GPHN: variants seen among roughly 807,000 people sequenced by gnomAD.
GPHN encodes the protein gephyrin.
Under a neutral mutation model 95.5 loss-of-function variants are expected in GPHN, and 17 were observed. The ratio of observed to expected loss-of-function variants is 0.18; its 90% CI spans 0.12 to 0.27. GPHN has a LOEUF of 0.27. Ranked by LOEUF, GPHN falls within the 10% of genes least tolerant of loss-of-function variation. The pLI, the probability that GPHN is intolerant of heterozygous loss-of-function variation, is 1.00. For missense variants in GPHN, 660 were observed against 978.1 expected (o/e 0.67, Z 4.34); for synonymous variants, 320 against 322.5 (o/e 0.99, Z 0.08).
chr14:66,669,358 C>CT (rs1199415014), intron 1 of GPHN, among the ~76,000 whole-genome samples: 1 of 128,902 alleles, frequency 7.8e-6, no homozygotes, highest in African/African-American at 3.6e-5. Context: ...GAGTGAAACT[C>CT]TGTCTCAAAA....
At chr14:67,427,898 G>C in the GPHN span, among the ~76,000 whole-genome samples, 1 of 150,096 alleles carries the variant, frequency 6.7e-6, no homozygotes, top group East Asian at 1.9e-4. Flanking sequence ...AGACACCCAG[G>C]ATGTTTTACA....
At chr14:67,632,306 A>C in the GPHN span, among the ~76,000 whole-genome samples, 1 of 152,244 alleles carries the variant, frequency 6.6e-6, no homozygotes, top group South Asian at 2.1e-4. Context: ...ATGAAAGTAG[A>C]GATGGTAACA....
chr14:67,217,507 AT>A, the GPHN span, among the ~76,000 whole-genome samples: 1 of 151,680 alleles, frequency 6.6e-6, no homozygotes, highest in African/African-American at 2.4e-5. Flanking sequence ...CTTATTGTTT[AT>A]TTTTGCAGTT....
chr14:67,706,899 A>G, the GPHN span, among the ~76,000 whole-genome samples: 2 of 152,158 alleles, frequency 1.3e-5, no homozygotes, highest in Non-Finnish European at 2.9e-5. Flanking sequence ...AGCAAAGCTC[A>G]TTTTTAGAAG....
chr14:67,014,876 A>G (rs2073212873), intron 9 of GPHN, among the ~76,000 whole-genome samples: 1 of 152,166 alleles, frequency 6.6e-6, no homozygotes, highest in Non-Finnish European at 1.5e-5. Flanking sequence ...CACCAAACCA[A>G]AACGATTGTT....
intron 8 of GPHN, among the ~76,000 whole-genome samples, chr14:66,952,455 G>A (rs1328703564): frequency 6.6e-6 from 1 of 152,104 alleles, no homozygotes; most frequent in Admixed American, 6.5e-5. Context: ...TGGGTTGTGT[G>A]TACTTTTTGA....
At chr14:67,504,723 A>C in the GPHN span, among the ~76,000 whole-genome samples, 1 of 152,116 alleles carries the variant, frequency 6.6e-6, no homozygotes, top group African/African-American at 2.4e-5. Context: ...TGTCTCTACT[A>C]AAAATACAAA....
At chr14:66,971,243 G>A (rs562592973) in intron 9 of GPHN, among the ~76,000 whole-genome samples, 344 of 152,232 alleles carry the variant, frequency 2.3e-3, no homozygotes, top group African/African-American at 7.8e-3. Flanking sequence ...CAGGAGATTC[G>A]CTTGAACACG....
At chr14:66,981,216 C>T (rs1461597569) in intron 9 of GPHN, among the ~76,000 whole-genome samples, 1 of 151,924 alleles carries the variant, frequency 6.6e-6, no homozygotes, top group Non-Finnish European at 1.5e-5. Flanking sequence ...ATTTCCTTTC[C>T]TCCAGAAACA....
chr14:67,177,583 G>T (rs2083068057), intron 21 of GPHN, among the ~76,000 whole-genome samples: 1 of 152,212 alleles, frequency 6.6e-6, no homozygotes, highest in Admixed American at 6.5e-5. Context: ...TTCTGTAGAT[G>T]TCTATTAGGT....
intron 1 of GPHN, among the ~76,000 whole-genome samples, chr14:66,646,646 A>G (rs1396974636): frequency 1.3e-5 from 2 of 152,188 alleles, no homozygotes; most frequent in Non-Finnish European, 2.9e-5. Context: ...CAAATATTGT[A>G]TAATTCCACT....
the GPHN span, chr14:67,585,603 G>A: frequency 3.8e-6 from 6 of 1,585,096 alleles, no homozygotes; most frequent in Admixed American, 1.8e-5. Context: ...ACGCTCTGGT[G>A]TGGATTGCTG....
At chr14:67,299,507 G>T in the GPHN span, among the ~76,000 whole-genome samples, 3,002 of 152,076 alleles carry the variant, frequency 0.02, 39 homozygotes, top group Middle Eastern at 0.034. Context: ...TGCCTCTGAA[G>T]GAAAACAAGG....
At chr14:67,029,058 G>A (rs72730454) in intron 10 of GPHN, among the ~76,000 whole-genome samples, 7,428 of 152,136 alleles carry the variant, frequency 0.049, 234 homozygotes, top group Middle Eastern at 0.099. Context: ...AAAGATAGGC[G>A]TCTAATTTCA....
At chr14:67,645,295 T>G in the GPHN span, among the ~76,000 whole-genome samples, 2 of 152,124 alleles carry the variant, frequency 1.3e-5, no homozygotes, top group African/African-American at 4.8e-5. Flanking sequence ...ATTACAGGTG[T>G]ACACCATCTT....
chr14:67,259,092 C>G, the GPHN span, among the ~76,000 whole-genome samples: 1 of 151,984 alleles, frequency 6.6e-6, no homozygotes, highest in East Asian at 2.0e-4. Context: ...ATCCGCCTGC[C>G]TCGGCTTCCC....
intron 18 of GPHN, among the ~76,000 whole-genome samples, chr14:67,153,306 G>A (rs1447522373): frequency 6.6e-6 from 1 of 152,140 alleles, no homozygotes; most frequent in African/African-American, 2.4e-5. Context: ...CCATAAAATG[G>A]GTGGCGTAAA....
the GPHN span, among the ~76,000 whole-genome samples, chr14:67,595,132 G>A: frequency 2.8e-5 from 2 of 70,454 alleles, no homozygotes; most frequent in Non-Finnish European, 8.1e-5. Flanking sequence ...GCGAGACTCC[G>A]TCTAAAAAAA....
intron 2 of GPHN, among the ~76,000 whole-genome samples, chr14:66,740,024 G>T (rs113127143): frequency 6.6e-6 from 1 of 152,176 alleles, no homozygotes; most frequent in Non-Finnish European, 1.5e-5. Flanking sequence ...ATTGAAGAGA[G>T]AAATAGCAAA....
Sources: allele counts gnomAD v4.1 joint callset (sites outside exome capture counted in the v4.1 genomes callset), GRCh38; gene constraint gnomAD v4.1.1; transcripts MANE v1.5; gene names NCBI Gene and HGNC (gene_info 2026-07-23, HGNC 2026-07-21).